Variants in HEXB observed in about 807,000 individuals in gnomAD.
The protein encoded by HEXB is beta-hexosaminidase subunit beta.
A neutral mutation model predicts 71.2 loss-of-function variants in HEXB; 51 were observed. The ratio of observed to expected loss-of-function variants is 0.72; its 90% confidence interval spans 0.57 to 0.90. The LOEUF is 0.90. Among genes scored for constraint, HEXB ranks in the 40% least tolerant of loss-of-function variants. The pLI is 0.00. For missense variants in HEXB, 617 were observed against 677.0 expected, an observed-to-expected ratio of 0.91 and a Z score of 0.98; for synonymous variants, 266 against 249.3, an observed-to-expected ratio of 1.07 and a Z score of -0.63.
rs1306680856 is a variant in HEXB at position 74,652,145 on chromosome 5, C to CATG, written c.-377+11588_-377+11590dup. On this transcript the variant is annotated intron_variant, in intron 1 of 13. Coordinates refer to the HEXB transcript ENST00000511181. The surrounding 1 kb of genome is among the most constrained non-coding windows in gnomAD (Gnocchi z 5.4). The stretch of plus-strand genomic sequence containing the variant: ...TTTACGTGAGTAGGTAATACATATG[C>CATG]ATGGATCAACCATAAATAATAATTA... 1.3e-5 allele frequency among the ~76,000 whole-genome samples: 2 copies of CATG among 152,120 alleles called. No homozygotes were observed. The highest frequency in any genetic ancestry group is 4.8e-5 in the African/African-American group (2 of 41,446).
intron 5 of HEXB, among the ~76,000 whole-genome samples, chr5:74,699,221 A>G (rs1457560450): frequency 3.3e-5 from 5 of 152,080 alleles, no homozygotes; most frequent in East Asian, 1.9e-4. Context: ...AACATATACA[A>G]TGTGACTTTT....
chr5:74,690,832 C>A (rs948588453), intron 2 of HEXB, among the ~76,000 whole-genome samples: 5 of 152,048 alleles, frequency 3.3e-5, no homozygotes, highest in Non-Finnish European at 7.4e-5. Context: ...AAAAAGCTTT[C>A]TTTCTCTTCA....
intron 1 of HEXB, among the ~76,000 whole-genome samples, chr5:74,665,591 A>G (rs368394255): frequency 1.2e-4 from 18 of 152,348 alleles, no homozygotes; most frequent in African/African-American, 4.1e-4. Context: ...TTACCAGCTA[A>G]GCTTTCTTAA....
At chr5:74,715,473 C>T (rs1435301524) in intron 7 of HEXB, 37 bp from the exon 8 acceptor site, 1 of 1,376,732 alleles carries the variant, frequency 7.3e-7, no homozygotes, top group Non-Finnish European at 1.0e-6. Flanking sequence ...ATAATGAGTA[C>T]ACTTCTTTTA....
chr5:74,716,403 T>TG (rs1186356020), intron 8 of HEXB, among the ~76,000 whole-genome samples, 184 bp from the exon 9 acceptor site: 1 of 152,202 alleles, frequency 6.6e-6, no homozygotes, highest in Non-Finnish European at 1.5e-5. Flanking sequence ...ATCAGCTTCT[T>TG]GAAAAAATTG....
chr5:74,654,047 T>C (rs1748171979), intron 1 of HEXB, among the ~76,000 whole-genome samples: 2 of 152,110 alleles, frequency 1.3e-5, no homozygotes, highest in South Asian at 2.1e-4. Flanking sequence ...CAGTGAGTCC[T>C]CCCGGCTCCA....
intron 1 of HEXB, among the ~76,000 whole-genome samples, chr5:74,661,511 CTCTGTGTGTGTGTGTG>C (rs1421829524): frequency 0.012 from 1,511 of 127,728 alleles, 17 homozygotes; most frequent in East Asian, 0.028. Flanking sequence ...TTTTCTCTCT[CTCTGTGTGTGTGTGTG>C]TGTGTGTGTG....
Position 74,715,468 on chromosome 5 carries a change from G to A in HEXB, c.902-42G>A, listed in dbSNP as rs775767110. 3.0e-6 allele frequency: 4 copies of A among 1,318,676 alleles called. No individual in the cohort carries two copies. In the South Asian group the frequency reaches 4.8e-5, roughly 16 times the overall value. The allele number at this position is 1,318,676 out of a possible 1,614,324, so 81.7% of individuals were successfully genotyped here. ...ATGTGGAAAACCAGATCTTTATAAT[G>A]AGTACACTTCTTTTAAAAAGAATCT... On this transcript the variant is annotated intron_variant, in intron 7 of 13. Coordinates refer to ENST00000261416, the MANE Select transcript of HEXB (RefSeq NM_000521.4).
At chr5:74,685,695 C>A (rs918759055) in intron 1 of HEXB, 136 bp downstream of exon 1, 15 of 745,440 alleles carry the variant, frequency 2.0e-5, no homozygotes, top group Admixed American at 3.2e-5. Context: ...ATCTGCCCAG[C>A]GCCACATGGA....
At chr5:74,704,108 C>A (rs563730757) in intron 5 of HEXB, among the ~76,000 whole-genome samples, 2 of 152,362 alleles carry the variant, frequency 1.3e-5, no homozygotes, top group African/African-American at 4.8e-5. Context: ...CTGTCTAGCC[C>A]TTTATGTAAA....
intron 2 of HEXB, among the ~76,000 whole-genome samples, chr5:74,692,431 G>A (rs540747148): frequency 2.8e-4 from 43 of 152,118 alleles, no homozygotes; most frequent in Non-Finnish European, 3.2e-4. Context: ...GCAATGAACC[G>A]TGATTGTGCC....
intron 6 of HEXB, 51 bp from the exon 7 acceptor site, chr5:74,713,455 G>C: frequency 4.4e-6 from 7 of 1,579,630 alleles, no homozygotes; most frequent in Non-Finnish European, 6.1e-6. Context: ...ACAATTTCCA[G>C]GATCAAATCT....
intron 11 of HEXB, 112 bp downstream of exon 11, chr5:74,719,083 G>T: frequency 1.0e-6 from 1 of 969,338 alleles, no homozygotes; most frequent in South Asian, 1.3e-5. Context: ...TCCCACCCCA[G>T]AAGTCTTTAC....
At chr5:74,702,235 C>T (rs940545590) in intron 5 of HEXB, among the ~76,000 whole-genome samples, 7 of 149,350 alleles carry the variant, frequency 4.7e-5, no homozygotes, top group East Asian at 2.0e-4. Flanking sequence ...CCCGCCACTA[C>T]GCCTGGCTAA....
intron 1 of HEXB, among the ~76,000 whole-genome samples, chr5:74,649,909 C>G (rs1748071529): frequency 6.6e-6 from 1 of 152,208 alleles, no homozygotes; most frequent in Admixed American, 6.5e-5. Flanking sequence ...GAATGAAGCA[C>G]TGTTTCCCCA....
At chr5:74,703,084 C>G in intron 5 of HEXB, among the ~76,000 whole-genome samples, 1 of 152,200 alleles carries the variant, frequency 6.6e-6, no homozygotes, top group East Asian at 1.9e-4. Flanking sequence ...TCCTGAGTAG[C>G]TGGAGTTACA....
chr5:74,674,918 T>G (rs927062142), intron 1 of HEXB, among the ~76,000 whole-genome samples: 5 of 152,332 alleles, frequency 3.3e-5, no homozygotes, highest in Admixed American at 1.3e-4. Context: ...AAATTCCTCT[T>G]TTCCTCATTT....
intron 1 of HEXB, among the ~76,000 whole-genome samples, chr5:74,644,982 A>C (rs1747975798): frequency 6.6e-6 from 1 of 151,842 alleles, no homozygotes; most frequent in African/African-American, 2.4e-5. Context: ...ATGTTGACCA[A>C]GCTGGTCTCG....
At chr5:74,651,754 A>G (rs2112075323) in intron 1 of HEXB, among the ~76,000 whole-genome samples, 1 of 152,284 alleles carries the variant, frequency 6.6e-6, no homozygotes, top group African/African-American at 2.4e-5. Flanking sequence ...TTTTCCTCTC[A>G]TGATAAGAAG....
Sources: gnomAD v4.1 joint callset for allele counts (sites outside exome capture counted in the v4.1 genomes callset) on GRCh38, gnomAD v4.1.1 for gene constraint, Gnocchi (gnomAD v3.1) non-coding constraint, MANE v1.5 for transcripts, NCBI Gene and HGNC (gene_info 2026-07-23, HGNC 2026-07-21) for gene names.